The following ZFTRAF1 variants were observed in gnomAD, a reference collection of about 807,000 sequenced individuals.
ZFTRAF1 encodes the protein zinc finger TRAF-type-containing protein 1.
At chr8:144,452,511 A>T in the ZFTRAF1 span, 1 of 1,543,212 alleles carries the variant, frequency 6.5e-7, no homozygotes, top group Admixed American at 2.0e-5. Flanking sequence ...GTGCACCGTC[A>T]GCTCATGGAA....
chr8:144,450,486 C>T, the ZFTRAF1 span: 1 of 718,358 alleles, frequency 1.4e-6, no homozygotes, highest in African/African-American at 1.7e-5. Context: ...TAGTCCGTCT[C>T]GTTGCTCTCG....
At chr8:144,461,126 G>C in the ZFTRAF1 span, among the ~76,000 whole-genome samples, 7 of 152,184 alleles carry the variant, frequency 4.6e-5, no homozygotes, top group Admixed American at 3.9e-4. Context: ...TCCCGACAAG[G>C]TCATGCCACA....
At chr8:144,453,207 C>CT in the ZFTRAF1 span, 1 of 1,549,284 alleles carries the variant, frequency 6.5e-7, no homozygotes, top group South Asian at 1.2e-5. Flanking sequence ...GGCTAAGCCC[C>CT]TGACCCTCAG....
the ZFTRAF1 span, among the ~76,000 whole-genome samples, chr8:144,452,766 G>A: frequency 5.3e-5 from 8 of 152,344 alleles, no homozygotes; most frequent in African/African-American, 1.9e-4. Flanking sequence ...GGGAGAGAGA[G>A]GGGAAGGAAG....
chr8:144,458,041 C>G, the ZFTRAF1 span: 9 of 152,486 alleles, frequency 5.9e-5, no homozygotes, highest in East Asian at 1.5e-3. Flanking sequence ...AAGGCCTCAC[C>G]AGGGCCAGTG....
chr8:144,453,244 G>A, the ZFTRAF1 span: 1 of 1,550,946 alleles, frequency 6.4e-7, no homozygotes, highest in Admixed American at 2.0e-5. Flanking sequence ...TCCTCTTTCT[G>A]GTGCCTCTCC....
At chr8:144,455,557 C>A in the ZFTRAF1 span, 1 of 680 alleles carries the variant, frequency 1.5e-3, no homozygotes, top group South Asian at 0.17. Flanking sequence ...CCTCTCACAG[C>A]CCCCCGCCCC....
At chr8:144,453,192 T>A in the ZFTRAF1 span, 1 of 1,542,722 alleles carries the variant, frequency 6.5e-7, no homozygotes, top group Non-Finnish European at 8.8e-7. Flanking sequence ...GGGCCCCGCC[T>A]GTAAGGCTAA....
chr8:144,461,484 G>A, the ZFTRAF1 span, among the ~76,000 whole-genome samples: 1 of 152,194 alleles, frequency 6.6e-6, no homozygotes, highest in African/African-American at 2.4e-5. Flanking sequence ...GCTGCTTAAG[G>A]GCTGAGTCCC....
At chr8:144,458,657 C>T in the ZFTRAF1 span, among the ~76,000 whole-genome samples, 3 of 152,138 alleles carry the variant, frequency 2.0e-5, no homozygotes, top group African/African-American at 4.8e-5. Context: ...GCGCTACAGG[C>T]GGGAGGGCCA....
chr8:144,453,056 G>T, the ZFTRAF1 span, among the ~76,000 whole-genome samples: 1 of 152,254 alleles, frequency 6.6e-6, no homozygotes, highest in East Asian at 1.9e-4. Flanking sequence ...TCCCCATCCT[G>T]TGCAGGCACC....
At chr8:144,461,578 G>C in the ZFTRAF1 span, among the ~76,000 whole-genome samples, 1 of 152,324 alleles carries the variant, frequency 6.6e-6, no homozygotes, top group Admixed American at 6.5e-5. Context: ...GGCCTGGCCT[G>C]GGTGAGGTGG....
At chr8:144,455,109 G>C in the ZFTRAF1 span, 3 of 152,240 alleles carry the variant, frequency 2.0e-5, no homozygotes, top group Non-Finnish European at 4.4e-5. Flanking sequence ...GAGGTTAGGA[G>C]TTCATGACCA....
At chr8:144,460,892 G>C in the ZFTRAF1 span, among the ~76,000 whole-genome samples, 1 of 152,126 alleles carries the variant, frequency 6.6e-6, no homozygotes, top group Non-Finnish European at 1.5e-5. Context: ...TCAAAAAAAA[G>C]GAGAGTTCTT....
the ZFTRAF1 span, chr8:144,452,112 G>A: frequency 1.2e-5 from 7 of 560,580 alleles, no homozygotes; most frequent in Non-Finnish European, 3.3e-6. Flanking sequence ...GGCGAGGACA[G>A]GTGGGCGGGG....
the ZFTRAF1 span, chr8:144,454,636 T>C: frequency 6.6e-6 from 1 of 152,376 alleles, no homozygotes; most frequent in East Asian, 1.9e-4. Context: ...CTCTTGAGAA[T>C]GGGATGTGGT....
At chr8:144,460,970 T>A in the ZFTRAF1 span, among the ~76,000 whole-genome samples, 1 of 152,218 alleles carries the variant, frequency 6.6e-6, no homozygotes, top group East Asian at 1.9e-4. Context: ...TCTTGGAAGC[T>A]GAGGCACTGC....
chr8:144,459,840 G>A, the ZFTRAF1 span, among the ~76,000 whole-genome samples: 1 of 152,226 alleles, frequency 6.6e-6, no homozygotes, highest in African/African-American at 2.4e-5. Context: ...CTGGGGTCAG[G>A]AAAAGCGTTC....
At chr8:144,453,553 T>A in the ZFTRAF1 span, 2 of 1,182,040 alleles carry the variant, frequency 1.7e-6, no homozygotes, top group Non-Finnish European at 2.4e-6. Context: ...CCAGGTGTCC[T>A]GAGGGACTCC....
Sources: gnomAD v4.1 joint callset for allele counts (sites outside exome capture counted in the v4.1 genomes callset) on GRCh38, gnomAD v4.1.1 for gene constraint, MANE v1.5 for transcripts, NCBI Gene and HGNC (gene_info 2026-07-23, HGNC 2026-07-21) for gene names.